The following FMNL2 variants were observed in gnomAD, a reference collection of about 807,000 sequenced individuals.
The protein encoded by FMNL2 is formin-like protein 2.
FMNL2 carries 51 observed loss-of-function variants against 130.2 expected under a neutral mutation model. The ratio of observed to expected loss-of-function variants is 0.39; its 90% CI spans 0.31 to 0.49. FMNL2 has a LOEUF of 0.49. Ranked by LOEUF, FMNL2 falls within the 20% of genes least tolerant of loss-of-function variation. The pLI is 0.85. For synonymous variants in FMNL2, 465 were observed against 467.1 expected, an observed-to-expected ratio of 1.00 and a Z score of 0.06; for missense variants, 977 against 1,316.2, an observed-to-expected ratio of 0.74 and a Z score of 3.99.
At chr2:152,639,841 ACCT>A in intron 23 of FMNL2, 114 bp from the exon 24 acceptor site, 5 of 640,088 alleles carry the variant, frequency 7.8e-6, no homozygotes, top group East Asian at 3.5e-5. Context: ...GATCTTCTCA[ACCT>A]TCCATTTATT....
chr2:152,400,883 G>A (rs71417221), intron 1 of FMNL2, among the ~76,000 whole-genome samples: 1,545 of 152,324 alleles, frequency 0.01, 22 homozygotes, highest in African/African-American at 0.029. Context: ...TAATGATTTT[G>A]TAGTTTTCTT....
chr2:152,436,583 G>A (rs1687778595), intron 1 of FMNL2, among the ~76,000 whole-genome samples: 1 of 152,092 alleles, frequency 6.6e-6, no homozygotes, highest in South Asian at 2.1e-4. Context: ...CTCTCTTTTT[G>A]TGCCTTACTA....
intron 1 of FMNL2, among the ~76,000 whole-genome samples, chr2:152,354,411 T>C (rs977097095): frequency 3.9e-4 from 59 of 152,186 alleles, no homozygotes; most frequent in African/African-American, 1.4e-3. Flanking sequence ...AAAGATGCAT[T>C]GTTTTAAATC....
chr2:152,580,945 T>C lies in FMNL2; in HGVS notation c.783-11T>C, dbSNP rs746340628. The C allele has an allele frequency of 6.2e-7, 1 of 1,612,474 alleles. No homozygotes were observed. The highest frequency in any genetic ancestry group is 8.5e-7 in the Non-Finnish European group (1 of 1,179,326). ...CACTGATTTGTGTTTTTCTTCTTCT[T>C]GTTTTGGCAGAACAAAAGCCCTTGT... On this transcript the variant is annotated splice_polypyrimidine_tract_variant and intron_variant, in intron 8 of 25. Transcript: ENST00000288670.
chr2:152,540,503 T>A (rs1012628735), intron 2 of FMNL2, among the ~76,000 whole-genome samples: 1 of 152,084 alleles, frequency 6.6e-6, no homozygotes, highest in Admixed American at 6.6e-5. Flanking sequence ...ACTACAAAAT[T>A]CACCCTGATT....
chr2:152,436,313 T>A (rs1031373083), intron 1 of FMNL2, among the ~76,000 whole-genome samples: 1 of 152,138 alleles, frequency 6.6e-6, no homozygotes, highest in African/African-American at 2.4e-5. Flanking sequence ...TATGCTTGGC[T>A]ATTTTTTCCA....
At chr2:152,375,873 C>CTATATATA (rs1235599536) in intron 1 of FMNL2, among the ~76,000 whole-genome samples, 67 of 113,828 alleles carry the variant, frequency 5.9e-4, no homozygotes, top group African/African-American at 1.8e-3. Flanking sequence ...CTCTCTCTCT[C>CTATATATA]TCTCTATATA....
At chr2:152,574,324 T>C (rs1036485915) in intron 6 of FMNL2, among the ~76,000 whole-genome samples, 7 of 151,226 alleles carry the variant, frequency 4.6e-5, no homozygotes, top group African/African-American at 1.7e-4. Flanking sequence ...TAGTCCGAGC[T>C]ACTCGGGAGG....
chr2:152,629,135 A>G (rs1167149448), intron 18 of FMNL2, among the ~76,000 whole-genome samples: 3 of 152,002 alleles, frequency 2.0e-5, no homozygotes, highest in Non-Finnish European at 4.4e-5. Context: ...GTTACTGATT[A>G]TAGTAGTCAG....
chr2:152,506,256 GGGCCTTTTATTTTAGAATAT>G (rs1692164084), intron 1 of FMNL2, among the ~76,000 whole-genome samples: 1 of 152,060 alleles, frequency 6.6e-6, no homozygotes, highest in African/African-American at 2.4e-5. Flanking sequence ...TCTTCATAGA[GGGCCTTTTATTTTAGAATAT>G]GGTCTTTCCT....
chr2:152,389,802 T>C, intron 1 of FMNL2: 1 of 1,403,142 alleles, frequency 7.1e-7, no homozygotes, highest in South Asian at 1.2e-5. Context: ...AAACAGACTT[T>C]TTCACTGCAG....
intron 9 of FMNL2, among the ~76,000 whole-genome samples, chr2:152,599,469 A>T (rs1219552523): frequency 8.7e-6 from 1 of 115,218 alleles, no homozygotes; most frequent in Non-Finnish European, 1.6e-5. Context: ...TTCTCATTGA[A>T]GGGGTGATGC....
chr2:152,419,570 G>A (rs13430448), intron 1 of FMNL2, among the ~76,000 whole-genome samples: 21,899 of 152,062 alleles, frequency 0.14, 1,913 homozygotes, highest in African/African-American at 0.23. Context: ...TGGTCAAAGG[G>A]TACCAAGCCT....
chr2:152,387,899 T>C (rs7593505), intron 1 of FMNL2, among the ~76,000 whole-genome samples: 33,469 of 151,710 alleles, frequency 0.22, 4,174 homozygotes, highest in African/African-American at 0.32. Context: ...CACAATCCTC[T>C]TGACTCAACC....
intron 3 of FMNL2, among the ~76,000 whole-genome samples, chr2:152,543,943 A>G (rs1392834038): frequency 3.3e-5 from 5 of 152,166 alleles, no homozygotes; most frequent in African/African-American, 1.2e-4. Flanking sequence ...TACCTGTCAA[A>G]GTATCATGAT....
chr2:152,444,375 C>G (rs953591830), intron 1 of FMNL2, among the ~76,000 whole-genome samples: 3 of 152,160 alleles, frequency 2.0e-5, no homozygotes, highest in African/African-American at 7.2e-5. Flanking sequence ...CCCACAAGAA[C>G]CAGCTTGATA....
At chr2:152,481,433 T>G (rs1006107780) in intron 1 of FMNL2, among the ~76,000 whole-genome samples, 2 of 152,206 alleles carry the variant, frequency 1.3e-5, no homozygotes, top group Non-Finnish European at 2.9e-5. Context: ...AAAACAACGT[T>G]TTGGCCTTTT....
At chr2:152,614,762 C>CAAAACAAAACAAAACAAAACAAAAAA in intron 11 of FMNL2, 89 bp from the exon 12 acceptor site, 1 of 1,419,292 alleles carries the variant, frequency 7.0e-7, no homozygotes, top group African/African-American at 1.5e-5. Context: ...CAAAACAAAA[C>CAAAACAAAACAAAACAAAACAAAAAA]AAAAAACAAA....
At chr2:152,465,219 C>T (rs1419812745) in intron 1 of FMNL2, among the ~76,000 whole-genome samples, 2 of 152,214 alleles carry the variant, frequency 1.3e-5, no homozygotes, top group East Asian at 3.9e-4. Context: ...GGCATTCGTG[C>T]AGGCAAGAAC....
Sources: allele counts gnomAD v4.1 joint callset (sites outside exome capture counted in the v4.1 genomes callset), GRCh38; gene constraint gnomAD v4.1.1; transcripts MANE v1.5; gene names NCBI Gene and HGNC (gene_info 2026-07-23, HGNC 2026-07-21).